NRG3: variants seen among roughly 807,000 people sequenced by gnomAD.
NRG3 encodes the protein pro-neuregulin-3, membrane-bound isoform.
NRG3 carries 31 observed loss-of-function variants against 66.9 expected under a neutral mutation model. The ratio of observed to expected loss-of-function variants is 0.46; its 90% CI spans 0.35 to 0.63. The LOEUF (loss-of-function observed/expected upper bound fraction) is 0.63, where lower values mean the gene tolerates loss of function less well. Ranked by LOEUF, NRG3 falls within the 20% of genes least tolerant of loss-of-function variation. The pLI is 0.00. For missense variants in NRG3, 910 were observed against 878.9 expected (o/e 1.04, Z -0.45); for synonymous variants, 393 against 359.4 (o/e 1.09, Z -1.06).
intron 2 of NRG3, among the ~76,000 whole-genome samples, chr10:82,566,996 C>T (rs1041394175): frequency 6.6e-6 from 1 of 151,892 alleles, no homozygotes; most frequent in Admixed American, 6.6e-5. Flanking sequence ...TGACTCTTCA[C>T]AGCAATACTC....
intron 1 of NRG3, among the ~76,000 whole-genome samples, chr10:82,347,613 G>T (rs2083116241): frequency 6.6e-6 from 1 of 151,890 alleles, no homozygotes. Flanking sequence ...TTCAATTCCT[G>T]GGTATCCTTG....
intron 1 of NRG3, among the ~76,000 whole-genome samples, chr10:82,167,735 G>C (rs1348229016): frequency 6.6e-6 from 1 of 151,706 alleles, no homozygotes; most frequent in Non-Finnish European, 1.5e-5. Context: ...GTAAATATTT[G>C]CTTATATTTA....
intron 1 of NRG3, among the ~76,000 whole-genome samples, chr10:82,345,905 C>T (rs2082989415): frequency 6.6e-6 from 1 of 152,112 alleles, no homozygotes; most frequent in African/African-American, 2.4e-5. Context: ...GATTTTTGTA[C>T]ATTGATTTTG....
intron 2 of NRG3, among the ~76,000 whole-genome samples, chr10:82,563,363 G>T (rs1339557211): frequency 6.6e-6 from 1 of 151,956 alleles, no homozygotes; most frequent in Admixed American, 6.6e-5. Context: ...TAAAAAATAT[G>T]TATCCTCATA....
chr10:81,978,850 C>T (rs2060221721), intron 1 of NRG3, among the ~76,000 whole-genome samples: 1 of 152,044 alleles, frequency 6.6e-6, no homozygotes, highest in Admixed American at 6.6e-5. Context: ...GCCACCATGC[C>T]TGGCCCAGCA....
At chr10:82,982,560 TG>T (rs888614963) in intron 8 of NRG3, among the ~76,000 whole-genome samples, 29 of 152,232 alleles carry the variant, frequency 1.9e-4, no homozygotes, top group Non-Finnish European at 4.0e-4. Flanking sequence ...ACATCATGTC[TG>T]GGGGGAAGTG....
chr10:82,641,289 T>C (rs2050563343), intron 2 of NRG3, among the ~76,000 whole-genome samples: 1 of 152,320 alleles, frequency 6.6e-6, no homozygotes, highest in South Asian at 2.1e-4. Context: ...GTCAGTTTTC[T>C]AAGCTTATAT....
At chr10:82,566,620 TTA>T (rs909692441) in intron 2 of NRG3, among the ~76,000 whole-genome samples, 9 of 151,932 alleles carry the variant, frequency 5.9e-5, no homozygotes, top group African/African-American at 2.2e-4. Flanking sequence ...AGACATATGT[TTA>T]TATCCCAAAA....
At chr10:81,877,047 T>C (rs1221219621) in intron 1 of NRG3, among the ~76,000 whole-genome samples, 1 of 152,194 alleles carries the variant, frequency 6.6e-6, no homozygotes, top group Non-Finnish European at 1.5e-5. Flanking sequence ...TTTTCTGCAC[T>C]CAAGGGTGAG....
intron 4 of NRG3, among the ~76,000 whole-genome samples, chr10:82,922,054 C>A (rs1846469770): frequency 6.6e-6 from 1 of 151,812 alleles, no homozygotes; most frequent in African/African-American, 2.4e-5. Context: ...TTTATTTTTT[C>A]ATTAAAAGAT....
intron 3 of NRG3, among the ~76,000 whole-genome samples, chr10:82,845,947 A>G (rs1043637895): frequency 5.3e-5 from 8 of 152,202 alleles, no homozygotes; most frequent in African/African-American, 1.7e-4. Context: ...TATTAAACAT[A>G]CAGCTCATAG....
At chr10:82,667,301 T>C (rs2052871773) in intron 2 of NRG3, among the ~76,000 whole-genome samples, 1 of 152,220 alleles carries the variant, frequency 6.6e-6, no homozygotes, top group Non-Finnish European at 1.5e-5. Context: ...ACCATGGTTC[T>C]GAGTGTAAAC....
chr10:81,904,073 G>A (rs923247158), intron 1 of NRG3, among the ~76,000 whole-genome samples: 2 of 151,300 alleles, frequency 1.3e-5, no homozygotes, highest in African/African-American at 4.9e-5. Flanking sequence ...GCAATGATGC[G>A]ATCTCAGCTC....
intron 1 of NRG3, among the ~76,000 whole-genome samples, chr10:82,064,282 GT>G (rs2133262235): frequency 6.6e-6 from 1 of 152,090 alleles, no homozygotes; most frequent in East Asian, 1.9e-4. Flanking sequence ...GATTTGCCTG[GT>G]CCACCTCACA....
rs71007301 is a variant in NRG3, at chr10:82,199,889, C to CGTGT, written c.824-158823_824-158820dup. Among the ~76,000 whole-genome samples the CGTGT allele has an allele frequency of 0.012, 1,727 of 142,732 alleles. 48 individuals carry two copies. The East Asian group carries it at 0.14, about 12-fold the overall frequency. 93.6% of individuals were successfully genotyped at this position (142,732 alleles called of 152,430 possible). ...GAGAGTGTGCATGTGTGTGTGTGTG[C>CGTGT]GTGTGTGTGTGTGTGTGTGTGTGTG... is the stretch of plus-strand genomic sequence containing the variant. On this transcript the variant is annotated intron_variant, in intron 1 of 8. Coordinates refer to ENST00000372141, the MANE Select transcript of NRG3 (RefSeq NM_001010848.4).
chr10:82,289,743 A>T (rs908124238), intron 1 of NRG3, among the ~76,000 whole-genome samples: 3 of 152,198 alleles, frequency 2.0e-5, no homozygotes, highest in Non-Finnish European at 2.9e-5. Context: ...CCTCAATATA[A>T]CATTTTTAAC....
chr10:82,932,862 G>A (rs1592005522), intron 4 of NRG3, among the ~76,000 whole-genome samples: 2 of 152,062 alleles, frequency 1.3e-5, no homozygotes, highest in African/African-American at 2.4e-5. Context: ...AGTAAATGAC[G>A]GTTTCTTCCT....
At position 82,518,732 on chromosome 10, in the gene NRG3, G is replaced by A. The variant is rs1465922290; in HGVS notation, c.953+159864G>A. On this transcript the variant is annotated intron_variant, in intron 2 of 8. Coordinates refer to ENST00000372141, the MANE Select transcript of NRG3 (RefSeq NM_001010848.4). ...GGGCCATTAAGGTCCACAGAGAGAGGTGGAAGGAAGGGTGGTCTGAATGGG... is the reference window on the plus strand; with the variant it reads ...GGGCCATTAAGGTCCACAGAGAGAGATGGAAGGAAGGGTGGTCTGAATGGG... Among the ~76,000 whole-genome samples, 4 of 152,210 alleles carry A rather than the reference G, an allele frequency of 2.6e-5. No homozygotes were observed. The East Asian group carries it at 5.8e-4, about 22-fold the overall frequency.
chr10:82,150,339 C>T (rs1165366372), intron 1 of NRG3, among the ~76,000 whole-genome samples: 4 of 151,898 alleles, frequency 2.6e-5, no homozygotes, highest in African/African-American at 9.7e-5. Context: ...TAGGAGACAG[C>T]TTCTACCCAG....
Sources: allele counts gnomAD v4.1 joint callset (sites outside exome capture counted in the v4.1 genomes callset), GRCh38; gene constraint gnomAD v4.1.1; transcripts MANE v1.5; gene names NCBI Gene and HGNC (gene_info 2026-07-23, HGNC 2026-07-21).